The following FER1L5 variants were observed in gnomAD, a reference collection of about 807,000 sequenced individuals.
FER1L5 encodes the protein fer-1-like protein 5.
In FER1L5, 187 loss-of-function variants were observed where a neutral mutation model predicts 279.9. That is an observed-to-expected ratio of 0.67 (90% confidence interval 0.59 to 0.75). The LOEUF (loss-of-function observed/expected upper bound fraction) is 0.75, where lower values mean the gene tolerates loss of function less well. Among genes scored for constraint, FER1L5 ranks in the 30% least tolerant of loss-of-function variants. The pLI, the probability that FER1L5 is intolerant of heterozygous loss-of-function variation, is 0.00. For synonymous variants in FER1L5, 921 were observed against 989.7 expected, an observed-to-expected ratio of 0.93 and a Z score of 1.30; for missense variants, 2,091 against 2,594.4, an observed-to-expected ratio of 0.81 and a Z score of 4.21.
rs146143830 is a variant in FER1L5 at position 96,665,975 on chromosome 2, C to G, written c.1140+2468C>G. ...AGGCCTTCCAACATTTGAAGATGTT[C>G]AAACACCCCTGGAACCTCATCCATT... On this transcript the variant is annotated intron_variant, in intron 14 of 52. Coordinates refer to ENST00000624922, the MANE Select transcript of FER1L5 (RefSeq NM_001293083.2). Among the ~76,000 whole-genome samples the G allele has an allele frequency of 2.4e-3, 365 of 152,196 alleles. 1 individual carries two copies. The highest frequency in any genetic ancestry group is 4.2e-3 in the Non-Finnish European group (289 of 68,004).
Position 96,694,505 on chromosome 2 carries a change from G to A in FER1L5, c.3741+41G>A, listed in dbSNP as rs747834713. On this transcript the variant is annotated intron_variant, in intron 34 of 52. Transcript: ENST00000624922. This position sits in a 1 kb window ranked among gnomAD's most constrained non-coding sequence, Gnocchi z 4.6. ...GATGGGGACGGTGGGCAGGACAGGC[G>A]GGGGTGGTCTGGAGTGCGCTGCAGC... 6.8e-6 allele frequency: 10 copies of A among 1,480,646 alleles called. No individual in the cohort carries two copies. The highest frequency in any genetic ancestry group is 4.2e-5 in the Admixed American group (2 of 47,394). 91.7% of individuals were successfully genotyped at this position (1,480,646 alleles called of 1,614,324 possible).
chr2:96,651,224 T>A (rs940359813), intron 6 of FER1L5, among the ~76,000 whole-genome samples: 2 of 151,470 alleles, frequency 1.3e-5, no homozygotes, highest in Non-Finnish European at 2.9e-5. Context: ...GCTACAACTT[T>A]CTTTCTTTCT....
At chr2:96,650,672 G>C (rs1349432603) in intron 6 of FER1L5, among the ~76,000 whole-genome samples, 3 of 152,184 alleles carry the variant, frequency 2.0e-5, no homozygotes, top group Non-Finnish European at 4.4e-5. Context: ...TCTGATCTGA[G>C]GGGACCTATG....
intron 14 of FER1L5, among the ~76,000 whole-genome samples, chr2:96,668,072 G>T (rs928297825): frequency 6.6e-6 from 1 of 151,660 alleles, no homozygotes. Context: ...TGTTGCCCAG[G>T]CTGCTCAAGT....
chr2:96,666,831 T>G (rs2076143388), intron 14 of FER1L5, among the ~76,000 whole-genome samples: 1 of 151,974 alleles, frequency 6.6e-6, no homozygotes, highest in African/African-American at 2.4e-5. Context: ...TTTGTATTTT[T>G]GGTAGAGATG....
Position 96,669,045 on chromosome 2 carries a change from GTGTACTCC to G in FER1L5, c.1271_1278del (p.Val424GlyfsTer17), listed in dbSNP as rs1216904725. The G allele has an allele frequency of 6.4e-7, 1 of 1,551,552 alleles. No individual in the cohort carries two copies. The highest frequency in any genetic ancestry group is 2.4e-5 in the East Asian group (1 of 40,926). ...CTTCTCACTCTCTCTCCTTCCAGGA[GTGTACTCC>G]GGCTTCCTGCCCTGCTTTGGCCCCA... On this transcript the variant is annotated frameshift_variant, in exon 17 of 53. Coordinates refer to ENST00000624922, the MANE Select transcript of FER1L5 (RefSeq NM_001293083.2). LOFTEE classifies it high-confidence loss of function.
At position 96,702,425 on chromosome 2, in the gene FER1L5, G is replaced by C; in HGVS notation, c.5255+24G>C. The C allele has an allele frequency of 6.3e-7, 1 of 1,595,190 alleles. No homozygotes were observed. Among genetic ancestry groups the C allele is most frequent in the Non-Finnish European group, 8.5e-7 (1 of 1,171,220 alleles). ...GGGTAGGGAAGAGGAGTCAGGCTCCGGCAGAGCCCCTCAGTTCCCCAGTTC... is the reference window on the plus strand; with the variant it reads ...GGGTAGGGAAGAGGAGTCAGGCTCCCGCAGAGCCCCTCAGTTCCCCAGTTC... On this transcript the variant is annotated intron_variant, in intron 47 of 52. Transcript: ENST00000624922. This position sits in a 1 kb window ranked among gnomAD's most constrained non-coding sequence, Gnocchi z 4.0.
intron 41 of FER1L5, 44 bp from the exon 42 acceptor site, chr2:96,699,001 G>C: frequency 6.4e-7 from 1 of 1,567,678 alleles, no homozygotes; most frequent in Non-Finnish European, 8.7e-7. Context: ...AACCTGGACG[G>C]CCTCCCCAGT....
intron 21 of FER1L5, 109 bp from the exon 22 acceptor site, chr2:96,685,831 G>A: frequency 7.5e-7 from 1 of 1,337,014 alleles, no homozygotes; most frequent in Non-Finnish European, 1.0e-6. Flanking sequence ...AGCAGATGGG[G>A]GCAGGATCTT....
At chr2:96,655,134 T>C (rs1259606608) in intron 9 of FER1L5, among the ~76,000 whole-genome samples, 1 of 152,166 alleles carries the variant, frequency 6.6e-6, no homozygotes, top group Admixed American at 6.5e-5. Flanking sequence ...TTCAAATCTC[T>C]GCCTCCAGGA....
intron 9 of FER1L5, among the ~76,000 whole-genome samples, chr2:96,659,046 T>C (rs1416335452): frequency 5.3e-5 from 8 of 151,750 alleles, no homozygotes; most frequent in Admixed American, 3.9e-4. Flanking sequence ...CCTGGGTTCA[T>C]GCCATTCTCC....
In FER1L5 at chr2:96,649,711, C is replaced by G. The variant is rs893194874; in HGVS notation, c.394+34C>G. The G allele has an allele frequency of 2.6e-6, 4 of 1,546,588 alleles. No homozygotes were observed. In the Admixed American group the frequency reaches 7.9e-5, roughly 30 times the overall value. ...TTCCCTGGAGCTTACCCTTAAGGGC[C>G]TACCCTGCCTTTCTGCATGCACAGC... On this transcript the variant is annotated intron_variant, in intron 5 of 52. Coordinates refer to ENST00000624922, the MANE Select transcript of FER1L5 (RefSeq NM_001293083.2).
At position 96,673,189 on chromosome 2, in the gene FER1L5, A is replaced by G. The variant is rs2076390836; in HGVS notation, c.1604A>G (p.Asn535Ser). 1.3e-6 allele frequency: 2 copies of G among 1,551,488 alleles called. No individual in the cohort carries two copies. Among genetic ancestry groups the G allele is most frequent in the Admixed American group, 2.0e-5 (1 of 50,972 alleles). The change falls in exon 19 of 53, where the codon AAC (asparagine) becomes AGC (serine). Residue 535 changes from asparagine (N) to serine (S), a missense_variant. By Grantham distance (46) the Asn-to-Ser change is conservative. Transcript: ENST00000624922. ...GAGGTCAGCATCGGTCACTATGGGA[A>G]CAAGATGGACCTGAATTACAAGCCT... ...HFEVSIGHYGNKMDLNYKPLV... is the reference protein window; with the variant it reads ...HFEVSIGHYGSKMDLNYKPLV...
chr2:96,644,846 T>A (rs942278705), intron 1 of FER1L5, among the ~76,000 whole-genome samples: 4 of 152,134 alleles, frequency 2.6e-5, no homozygotes, highest in Non-Finnish European at 4.4e-5. Flanking sequence ...TTGCCCTGAT[T>A]GACTAATTTT....
chr2:96,652,173 T>C, intron 7 of FER1L5, 153 bp downstream of exon 7: 1 of 1,085,662 alleles, frequency 9.2e-7, no homozygotes, highest in Non-Finnish European at 1.3e-6. Context: ...GCACTGAAAA[T>C]ACAGAACAGT....
At chr2:96,659,360 T>C (rs2075781199) in intron 9 of FER1L5, among the ~76,000 whole-genome samples, 1 of 68,810 alleles carries the variant, frequency 1.5e-5, no homozygotes, top group African/African-American at 5.2e-5. Flanking sequence ...CTTCCTTCCT[T>C]CCTTCTTTCT....
intron 3 of FER1L5, among the ~76,000 whole-genome samples, 185 bp from the exon 4 acceptor site, chr2:96,647,593 T>A (rs931412742): frequency 2.0e-5 from 3 of 152,118 alleles, no homozygotes; most frequent in Non-Finnish European, 4.4e-5. Flanking sequence ...CCCAAGACAG[T>A]TCTCAGAGCC....
In FER1L5 at chr2:96,694,335, C is replaced by T; in HGVS notation, c.3637-25C>T. The stretch of plus-strand genomic sequence containing the variant: ...AGGGCAGCAGGACCAGCCCAGAGGG[C>T]CTCATGCTCCCTGCCCTCCCCCAGA... On this transcript the variant is annotated intron_variant, in intron 33 of 52. Transcript: ENST00000624922. This position sits in a 1 kb window ranked among gnomAD's most constrained non-coding sequence, Gnocchi z 4.6. 6.5e-7 allele frequency: 1 copy of T among 1,531,570 alleles called. No individual in the cohort carries two copies. Among genetic ancestry groups the T allele is most frequent in the Middle Eastern group, 1.7e-4 (1 of 5,890 alleles). 94.9% of individuals were successfully genotyped at this position (1,531,570 alleles called of 1,614,324 possible). A position where few individuals can be genotyped will look rare whatever the true frequency, so the allele number is the denominator to read the frequency against.
chr2:96,651,176 C>T (rs983421250), intron 6 of FER1L5, among the ~76,000 whole-genome samples: 5 of 152,234 alleles, frequency 3.3e-5, no homozygotes, highest in African/African-American at 1.2e-4. Context: ...TCCTCCTAGC[C>T]TTCTCCCAGT....
Sources: allele counts gnomAD v4.1 joint callset (sites outside exome capture counted in the v4.1 genomes callset), GRCh38; gene constraint gnomAD v4.1.1; non-coding constraint Gnocchi (gnomAD v3.1); transcripts MANE v1.5; gene names NCBI Gene and HGNC (gene_info 2026-07-23, HGNC 2026-07-21).